ANK3: variants seen among roughly 807,000 people sequenced by gnomAD.
ANK3 encodes the protein ankyrin-3.
A neutral mutation model predicts 370.9 loss-of-function variants in ANK3; 57 were observed. The ratio of observed to expected loss-of-function variants is 0.15; its 90% CI spans 0.12 to 0.19. The LOEUF (loss-of-function observed/expected upper bound fraction) is 0.19, where lower values mean the gene tolerates loss of function less well. Ranked by LOEUF, ANK3 falls within the 10% of genes least tolerant of loss-of-function variation. The pLI is 1.00. For missense variants in ANK3, 4,439 were observed against 5,302.1 expected (o/e 0.84, Z 5.06); for synonymous variants, 1,929 against 1,946.3 (o/e 0.99, Z 0.23).
At chr10:60,592,558 G>A (rs1265761616) in intron 2 of ANK3, among the ~76,000 whole-genome samples, 2 of 152,102 alleles carry the variant, frequency 1.3e-5, no homozygotes, top group Non-Finnish European at 2.9e-5. Context: ...TCAGGAGTTC[G>A]AGACCAGCCT....
intron 2 of ANK3, among the ~76,000 whole-genome samples, chr10:60,501,901 G>A (rs1340582698): frequency 3.9e-5 from 6 of 152,056 alleles, no homozygotes; most frequent in African/African-American, 9.7e-5. Flanking sequence ...CAGGAGCATC[G>A]CTTCAGCCCG....
At chr10:60,213,354 A>G in intron 9 of ANK3, 58 bp downstream of exon 9, 3 of 1,207,918 alleles carry the variant, frequency 2.5e-6, no homozygotes, top group Non-Finnish European at 3.7e-6. Flanking sequence ...AAAAGGCTAG[A>G]TCATATAACC....
chr10:60,725,138 A>G (rs752131499), intron 1 of ANK3, among the ~76,000 whole-genome samples: 2 of 152,170 alleles, frequency 1.3e-5, no homozygotes, highest in Non-Finnish European at 2.9e-5. Flanking sequence ...TTAAACTCAC[A>G]TAAAGGATTT....
At chr10:60,692,046 T>A (rs959035528) in intron 1 of ANK3, among the ~76,000 whole-genome samples, 5 of 152,198 alleles carry the variant, frequency 3.3e-5, no homozygotes, top group African/African-American at 4.8e-5. Flanking sequence ...ATTCAAGCCA[T>A]CATCAAGTAG....
chr10:60,166,857 T>C lies in ANK3; in HGVS notation c.2518A>G (p.Met840Val). 2 of 1,614,038 alleles carry C rather than the reference T, an allele frequency of 1.2e-6. No homozygotes were observed. The highest frequency in any genetic ancestry group is 1.7e-6 in the Non-Finnish European group (2 of 1,179,948). The part of the protein sequence containing the change: ...EKHKMNVPET[M>V]NEVLDMSDDE... ...TCAGACATATCAAGAACTTCATTCA[T>C]CGTTTCTGGAACATTCATTTTGTGC... Residue 840 changes from methionine to valine, a missense_variant, in exon 22 of 44, where the codon ATG becomes GTG. Met to Val is a conservative substitution (Grantham distance 21). Coordinates refer to ENST00000280772, the MANE Select transcript of ANK3 (RefSeq NM_020987.5).
At chr10:60,627,690 C>G (rs929647630) in intron 1 of ANK3, among the ~76,000 whole-genome samples, 4 of 152,168 alleles carry the variant, frequency 2.6e-5, no homozygotes, top group African/African-American at 9.6e-5. Flanking sequence ...AGTCTGCCCT[C>G]TGATCAGCTA....
chr10:60,517,452 C>A (rs1048835252), intron 2 of ANK3, among the ~76,000 whole-genome samples: 2 of 152,024 alleles, frequency 1.3e-5, no homozygotes. Flanking sequence ...TGAACATGCT[C>A]CATCTCATCT....
Position 60,073,889 on chromosome 10 carries a change from T to C in ANK3, c.6992A>G (p.Glu2331Gly). The change falls in exon 37 of 44, where the codon GAA becomes GGA. Residue 2331 changes from glutamate (E) to glycine (G), a missense_variant. Physicochemically the swap from Glu to Gly is moderately conservative, Grantham distance 98. This residue lies in a region of ANK3 where 1,601 missense variants were observed against 1,731.7 expected (regional missense o/e 0.92). Coordinates refer to ENST00000280772, the MANE Select transcript of ANK3 (RefSeq NM_020987.5). ...TTGGTTACCTTTTTCGATGTGGACT[T>C]CTATTATACGCTCCAGTTTGGGTTT... ...QMKPKLERII[E>G]VHIEKGNQAE... 2.5e-6 allele frequency: 4 copies of C among 1,613,964 alleles called. No individual in the cohort carries two copies. Among genetic ancestry groups the C allele is most frequent in the Non-Finnish European group, 3.4e-6 (4 of 1,180,002 alleles).
intron 16 of ANK3, among the ~76,000 whole-genome samples, chr10:60,187,356 G>A (rs1047556702): frequency 2.6e-5 from 4 of 151,818 alleles, no homozygotes; most frequent in Non-Finnish European, 4.4e-5. Context: ...GGGGTTTCAC[G>A]GTGTTAGCCA....
intron 41 of ANK3, among the ~76,000 whole-genome samples, chr10:60,058,841 C>A (rs2079737345): frequency 6.6e-6 from 1 of 152,120 alleles, no homozygotes; most frequent in Admixed American, 6.5e-5. Context: ...GCAACCTCCA[C>A]CCTCATGTGT....
chr10:60,313,453 T>C (rs2046776943), intron 1 of ANK3, among the ~76,000 whole-genome samples: 1 of 152,176 alleles, frequency 6.6e-6, no homozygotes, highest in African/African-American at 2.4e-5. Context: ...TATCATTAGT[T>C]TGTCTTTCCT....
intron 1 of ANK3, among the ~76,000 whole-genome samples, chr10:60,363,431 T>C (rs1050888108): frequency 1.3e-5 from 2 of 152,180 alleles, no homozygotes; most frequent in African/African-American, 4.8e-5. Flanking sequence ...CTCCAACCAC[T>C]TGTATCTGGA....
intron 42 of ANK3, chr10:60,043,945 C>CATAAG (rs1369112026): frequency 2.0e-6 from 2 of 985,580 alleles, no homozygotes; most frequent in African/African-American, 3.5e-5. Context: ...TGATCAAATG[C>CATAAG]ATAAGATGTC....
At chr10:60,593,147 T>C (rs1278120270) in intron 2 of ANK3, among the ~76,000 whole-genome samples, 1 of 152,206 alleles carries the variant, frequency 6.6e-6, no homozygotes, top group Non-Finnish European at 1.5e-5. Flanking sequence ...TAATTAGCAG[T>C]GGCTAGAAAG....
At chr10:60,266,805 G>A (rs1409041891) in intron 5 of ANK3, among the ~76,000 whole-genome samples, 1 of 152,168 alleles carries the variant, frequency 6.6e-6, no homozygotes, top group African/African-American at 2.4e-5. Flanking sequence ...AGAAAAATGA[G>A]CAGAAAGGAA....
chr10:60,088,337 A>G lies in ANK3; in HGVS notation c.3350T>C (p.Leu1117Ser), dbSNP rs1287891892. 1 of 1,614,042 alleles carries G rather than the reference A, an allele frequency of 6.2e-7. No homozygotes were observed. The highest frequency in any genetic ancestry group is 2.2e-5 in the East Asian group (1 of 44,890). Residue 1117 changes from leucine to serine, a missense_variant, in exon 29 of 44, where the codon TTA (leucine) becomes TCA (serine). Physicochemically the swap from Leu to Ser is moderately radical, Grantham distance 145. Coordinates refer to ENST00000280772, the MANE Select transcript of ANK3 (RefSeq NM_020987.5). ...MDEELDSPEE[L>S]GKKRICRIIT... The stretch of plus-strand genomic sequence containing the variant: ...AATCCTGCAGATACGCTTTTTCCCT[A>G]ACTCTTCTGGGCTATCAAGTTCTGA...
intron 1 of ANK3, among the ~76,000 whole-genome samples, chr10:60,664,680 A>C (rs1282180788): frequency 1.3e-5 from 2 of 152,252 alleles, no homozygotes; most frequent in Non-Finnish European, 2.9e-5. Context: ...AAAGCATAAA[A>C]TGCAAAATTC....
At chr10:60,135,041 A>G (rs1448937393) in intron 24 of ANK3, among the ~76,000 whole-genome samples, 3 of 152,122 alleles carry the variant, frequency 2.0e-5, no homozygotes, top group African/African-American at 7.2e-5. Flanking sequence ...AATCCTCCAT[A>G]TGGCCCTTGA....
intron 1 of ANK3, among the ~76,000 whole-genome samples, chr10:60,676,575 A>G (rs2079128418): frequency 6.6e-6 from 1 of 152,320 alleles, no homozygotes; most frequent in Admixed American, 6.5e-5. Flanking sequence ...AATACATTTC[A>G]ATCTCAGAGT....
Sources: gnomAD v4.1 joint callset for allele counts (sites outside exome capture counted in the v4.1 genomes callset) on GRCh38, gnomAD v4.1.1 for gene constraint, gnomAD v4.1.1 regional missense constraint, MANE v1.5 for transcripts, NCBI Gene and HGNC (gene_info 2026-07-23, HGNC 2026-07-21) for gene names.